WLS: variants seen among roughly 807,000 people sequenced by gnomAD.
The protein encoded by WLS is protein wntless homolog.
In WLS, 23 loss-of-function variants were observed where a neutral mutation model predicts 62.8. The ratio of observed to expected loss-of-function variants is 0.37; its 90% confidence interval spans 0.26 to 0.52. The LOEUF is 0.52. WLS is among the 20% of genes least tolerant of loss of function. The pLI, the probability that WLS is intolerant of heterozygous loss-of-function variation, is 0.92. For missense variants in WLS, 615 were observed against 697.3 expected, an observed-to-expected ratio of 0.88 and a Z score of 1.33; for synonymous variants, 246 against 244.1, an observed-to-expected ratio of 1.01 and a Z score of -0.07.
intron 2 of WLS, among the ~76,000 whole-genome samples, chr1:68,171,747 C>T (rs1227868553): frequency 6.6e-6 from 1 of 152,184 alleles, no homozygotes; most frequent in Non-Finnish European, 1.5e-5. Context: ...TTGTGGAAGA[C>T]AGTGTGGCGA....
chr1:68,103,239 G>C lies in WLS; in HGVS notation c.1511-4486C>G, dbSNP rs76073432. Among the ~76,000 whole-genome samples, 142 of 152,326 alleles carry C rather than the reference G, an allele frequency of 9.3e-4. 5 individuals are homozygous for C. In the East Asian group the frequency reaches 0.026, roughly 28 times the overall value. ...TTGCTAGGGAAACCAGTGGGGATATGTTTAATCTGTAAATCCTGTAATTGC... is the reference window on the plus strand; with the variant it reads ...TTGCTAGGGAAACCAGTGGGGATATCTTTAATCTGTAAATCCTGTAATTGC... On this transcript the variant is annotated intron_variant, in intron 11 of 11. Coordinates refer to the WLS transcript ENST00000354777.
At chr1:68,212,900 C>T (rs1452961657) in intron 1 of WLS, among the ~76,000 whole-genome samples, 1 of 152,192 alleles carries the variant, frequency 6.6e-6, no homozygotes, top group Non-Finnish European at 1.5e-5. Flanking sequence ...AATAACACCA[C>T]AGATGAACAG....
chr1:68,145,733 C>T (rs1438554591), intron 9 of WLS, 136 bp downstream of exon 9: 5 of 1,425,400 alleles, frequency 3.5e-6, no homozygotes, highest in Non-Finnish European at 4.7e-6. Context: ...TAATTTTGCC[C>T]AGAGATCCTA....
intron 11 of WLS, among the ~76,000 whole-genome samples, chr1:68,107,596 T>G (rs1646165057): frequency 6.6e-6 from 1 of 152,164 alleles, no homozygotes; most frequent in Admixed American, 6.5e-5. Context: ...CATGTGAAAG[T>G]ACCTTTCAAC....
At chr1:68,136,620 CAAGCATGTTT>C (rs1300971125) in intron 11 of WLS, among the ~76,000 whole-genome samples, 1 of 152,230 alleles carries the variant, frequency 6.6e-6, no homozygotes, top group African/African-American at 2.4e-5. Flanking sequence ...CAATCATTCT[CAAGCATGTTT>C]GACTACCTAA....
intron 2 of WLS, among the ~76,000 whole-genome samples, chr1:68,168,945 A>G (rs1373305366): frequency 2.0e-5 from 3 of 152,164 alleles, no homozygotes; most frequent in South Asian, 2.1e-4. Context: ...GCTAATTACA[A>G]ATTTGGCCCT....
intron 1 of WLS, among the ~76,000 whole-genome samples, chr1:68,204,034 G>C (rs1299463203): frequency 2.0e-5 from 3 of 152,170 alleles, no homozygotes; most frequent in Admixed American, 1.3e-4. Flanking sequence ...TCTATTTTCT[G>C]ACCAGTTCCA....
In WLS at chr1:68,150,464, T is replaced by C; in HGVS notation, c.804-108A>G. The C allele has an allele frequency of 3.5e-6, 5 of 1,408,850 alleles. No homozygotes were observed. In the South Asian group the frequency reaches 6.6e-5, roughly 19 times the overall value. 87.3% of individuals were successfully genotyped at this position (1,408,850 alleles called of 1,614,324 possible). A position where few individuals can be genotyped will look rare whatever the true frequency, so the allele number is the denominator to read the frequency against. ...GACATGAGATGTTACTTATTGGGTC[T>C]GAAGCCATATGATCAATTTCTTCTG... On this transcript the variant is annotated intron_variant, in intron 5 of 11. Coordinates refer to ENST00000262348, the MANE Select transcript of WLS (RefSeq NM_024911.7).
Position 68,144,556 on chromosome 1 carries a change from A to G in WLS, c.1362+13T>C, listed in dbSNP as rs750903251. The G allele has an allele frequency of 1.9e-6, 3 of 1,611,560 alleles. No individual in the cohort carries two copies. The Admixed American group carries it at 5.0e-5, about 27-fold the overall frequency. On this transcript the variant is annotated intron_variant, in intron 10 of 11. Coordinates refer to ENST00000262348, the MANE Select transcript of WLS (RefSeq NM_024911.7). ...AGAGACATTCTCACCTTGACATCTCAGGGTCCACTTACCTGACTAACGATG... is the reference window on the plus strand; with the variant it reads ...AGAGACATTCTCACCTTGACATCTCGGGGTCCACTTACCTGACTAACGATG...
At chr1:68,176,184 G>A (rs1352676096) in intron 2 of WLS, 1 of 152,122 alleles carries the variant, frequency 6.6e-6, no homozygotes, top group East Asian at 1.9e-4. Context: ...AACCAGCCTG[G>A]CTCTCCTCTT....
intron 8 of WLS, among the ~76,000 whole-genome samples, chr1:68,147,879 C>A (rs1236982082): frequency 6.6e-6 from 1 of 152,212 alleles, no homozygotes; most frequent in Non-Finnish European, 1.5e-5. Flanking sequence ...AGACAGGCTG[C>A]AGTAAGCCTA....
chr1:68,148,825 G>A (rs940285053), intron 6 of WLS, among the ~76,000 whole-genome samples, 165 bp from the exon 7 acceptor site: 3 of 152,074 alleles, frequency 2.0e-5, no homozygotes, highest in Admixed American at 1.3e-4. Context: ...TCTTCTTCAG[G>A]AGCTCATCTC....
At chr1:68,231,658 G>T (rs1417320066) in intron 1 of WLS, 1 of 441,712 alleles carries the variant, frequency 2.3e-6, no homozygotes, top group Non-Finnish European at 4.6e-6. Context: ...ACCCCAAATT[G>T]CAAACCCTCA....
intron 9 of WLS, 105 bp from the exon 10 acceptor site, chr1:68,144,757 A>C: frequency 1.2e-6 from 1 of 844,910 alleles, no homozygotes. Context: ...GTAAAACCAA[A>C]TCCCTAAGAA....
intron 1 of WLS, among the ~76,000 whole-genome samples, chr1:68,221,310 C>T (rs1340962411): frequency 6.6e-6 from 1 of 152,180 alleles, no homozygotes; most frequent in Non-Finnish European, 1.5e-5. Flanking sequence ...AGCCCCACCC[C>T]ACCCACATCC....
At chr1:68,148,269 A>G (rs563741495) in intron 7 of WLS, 70 bp from the exon 8 acceptor site, 4 of 1,528,446 alleles carry the variant, frequency 2.6e-6, no homozygotes, top group Non-Finnish European at 3.6e-6. Flanking sequence ...TCCTTTTCAC[A>G]TATTCTTAGC....
intron 2 of WLS, among the ~76,000 whole-genome samples, chr1:68,190,640 C>T (rs556259586): frequency 6.6e-6 from 1 of 152,298 alleles, no homozygotes; most frequent in Non-Finnish European, 1.5e-5. Flanking sequence ...CCCCCTTCCC[C>T]GGTGGAGCCC....
At chr1:68,150,101 G>T in intron 6 of WLS, 87 bp downstream of exon 6, 2 of 1,424,192 alleles carry the variant, frequency 1.4e-6, no homozygotes, top group South Asian at 1.3e-5. Flanking sequence ...ACCCACTGCT[G>T]ACTAGAGGCA....
At chr1:68,193,085 G>A (rs1480358973) in intron 2 of WLS, among the ~76,000 whole-genome samples, 2 of 151,380 alleles carry the variant, frequency 1.3e-5, no homozygotes, top group African/African-American at 4.9e-5. Flanking sequence ...CTCCAGCCTG[G>A]GCAACAAGAG....
Sources: gnomAD v4.1 joint callset for allele counts (sites outside exome capture counted in the v4.1 genomes callset) on GRCh38, gnomAD v4.1.1 for gene constraint, MANE v1.5 for transcripts, NCBI Gene and HGNC (gene_info 2026-07-23, HGNC 2026-07-21) for gene names.